Variants in PRICKLE1 observed in about 807,000 individuals in gnomAD.
PRICKLE1 encodes prickle planar cell polarity protein 1, also known as prickle-like protein 1.
Under a neutral mutation model 70.2 loss-of-function variants are expected in PRICKLE1, and 14 were observed. The observed-to-expected ratio is 0.20, with a 90% CI of 0.13 to 0.31. The LOEUF (loss-of-function observed/expected upper bound fraction) is 0.31, where lower values mean the gene tolerates loss of function less well. PRICKLE1 is among the 10% of genes least tolerant of loss of function. PRICKLE1 has a pLI of 1.00. For synonymous variants in PRICKLE1, 357 were observed against 379.9 expected (o/e 0.94, Z 0.70); for missense variants, 821 against 1,026.2 (o/e 0.80, Z 2.73).
At chr12:42,588,848 G>C (rs564261134) in intron 1 of PRICKLE1, among the ~76,000 whole-genome samples, 1 of 152,226 alleles carries the variant, frequency 6.6e-6, no homozygotes, top group African/African-American at 2.4e-5. Flanking sequence ...CCTGAGTCCC[G>C]CTCCTAATAA....
chr12:42,554,621 A>C (rs1940383331), intron 1 of PRICKLE1, among the ~76,000 whole-genome samples: 1 of 152,212 alleles, frequency 6.6e-6, no homozygotes, highest in African/African-American at 2.4e-5. Flanking sequence ...GAAAAGCATC[A>C]CAAGAGGTGA....
At position 42,498,442 on chromosome 12, in the gene PRICKLE1, G is replaced by A. The variant is rs145235393; in HGVS notation, c.-48-25878C>T. On this transcript the variant is annotated intron_variant, in intron 1 of 7. Coordinates refer to ENST00000345127, the MANE Select transcript of PRICKLE1 (RefSeq NM_153026.3). Reference sequence around the variant, plus strand: ...TCCCACCTTGGCCTCCCAAAGTGTTGGGATTACAGGTGTGAGCCACTGTGC... The same window carrying A: ...TCCCACCTTGGCCTCCCAAAGTGTTAGGATTACAGGTGTGAGCCACTGTGC... Among the ~76,000 whole-genome samples the A allele has an allele frequency of 1.3e-3, 194 of 152,214 alleles. 1 individual carries two copies. Among genetic ancestry groups the A allele is most frequent in the African/African-American group, 4.4e-3 (181 of 41,534 alleles).
chr12:42,566,892 C>T (rs777240109), intron 1 of PRICKLE1, among the ~76,000 whole-genome samples: 1 of 152,182 alleles, frequency 6.6e-6, no homozygotes, highest in Non-Finnish European at 1.5e-5. Flanking sequence ...CTATCATATG[C>T]TTGGTTCTAA....
At chr12:42,532,361 A>G (rs1275864278) in intron 1 of PRICKLE1, among the ~76,000 whole-genome samples, 1 of 152,208 alleles carries the variant, frequency 6.6e-6, no homozygotes, top group Non-Finnish European at 1.5e-5. Flanking sequence ...CGGTCAAATA[A>G]TTTTACTCAC....
chr12:42,479,262 T>C (rs768522867), intron 1 of PRICKLE1, among the ~76,000 whole-genome samples: 6 of 152,256 alleles, frequency 3.9e-5, no homozygotes, highest in Non-Finnish European at 7.3e-5. Flanking sequence ...CATCTTCTTT[T>C]TGAGCTTGCG....
chr12:42,517,305 C>CTTTT (rs1320622126), intron 1 of PRICKLE1, among the ~76,000 whole-genome samples: 5 of 64,962 alleles, frequency 7.7e-5, no homozygotes, highest in Admixed American at 4.4e-4. Context: ...CTCAGTCTGC[C>CTTTT]ATTTTTTTTT....
At chr12:42,472,199 C>T (rs950301663) in intron 2 of PRICKLE1, among the ~76,000 whole-genome samples, 186 bp downstream of exon 2, 5 of 152,198 alleles carry the variant, frequency 3.3e-5, no homozygotes, top group Admixed American at 1.3e-4. Context: ...AGATTGGAAA[C>T]TTCCATTGAG....
At chr12:42,572,436 TAAA>T (rs1940732730) in intron 1 of PRICKLE1, among the ~76,000 whole-genome samples, 1 of 75,666 alleles carries the variant, frequency 1.3e-5, no homozygotes, top group South Asian at 3.5e-4. Context: ...AACTCTGTCT[TAAA>T]TAAATAAATA....
rs576035588 is a variant in PRICKLE1, at chr12:42,526,755, A to C, written c.-48-54191T>G. 2.8e-4 allele frequency among the ~76,000 whole-genome samples: 7 copies of C among 25,050 alleles called. No homozygotes were observed. In the East Asian group the frequency reaches 0.01, roughly 36 times the overall value. 16.4% of individuals were successfully genotyped at this position (25,050 alleles called of 152,430 possible). A position where few individuals can be genotyped will look rare whatever the true frequency, so the allele number is the denominator to read the frequency against. ...CCCTTAAAAACACTCCTCTAAGCCAAAAAAAAAAAAAAAATGCTTAGAGGA... is the reference window on the plus strand; with the variant it reads ...CCCTTAAAAACACTCCTCTAAGCCACAAAAAAAAAAAAAATGCTTAGAGGA... On this transcript the variant is annotated intron_variant, in intron 1 of 7. Coordinates refer to ENST00000345127, the MANE Select transcript of PRICKLE1 (RefSeq NM_153026.3).
intron 5 of PRICKLE1, among the ~76,000 whole-genome samples, chr12:42,468,258 T>C (rs1938178364): frequency 6.6e-6 from 1 of 152,216 alleles, no homozygotes; most frequent in Non-Finnish European, 1.5e-5. Context: ...AACAAATACA[T>C]ATATCATATT....
chr12:42,498,694 G>A (rs1056517359), intron 1 of PRICKLE1, among the ~76,000 whole-genome samples: 9 of 152,150 alleles, frequency 5.9e-5, no homozygotes, highest in African/African-American at 2.2e-4. Flanking sequence ...TCTTTACAAA[G>A]AAGCCCGTCC....
intron 1 of PRICKLE1, among the ~76,000 whole-genome samples, chr12:42,502,270 CAT>C (rs3086539): frequency 0.17 from 25,130 of 147,908 alleles, 2,819 homozygotes; most frequent in African/African-American, 0.31. Flanking sequence ...TATATACCTA[CAT>C]ATATATATAT....
At chr12:42,554,282 T>C (rs1201018492) in intron 1 of PRICKLE1, among the ~76,000 whole-genome samples, 1 of 152,248 alleles carries the variant, frequency 6.6e-6, no homozygotes, top group East Asian at 1.9e-4. Context: ...TGATATGTTA[T>C]GTGCTCATTA....
At chr12:42,541,858 T>G (rs1181025913) in intron 1 of PRICKLE1, among the ~76,000 whole-genome samples, 1 of 152,152 alleles carries the variant, frequency 6.6e-6, no homozygotes, top group East Asian at 1.9e-4. Flanking sequence ...TTTAAGATCA[T>G]GTTTATGACA....
chr12:42,509,437 T>C (rs1593145889), intron 1 of PRICKLE1, among the ~76,000 whole-genome samples: 1 of 152,310 alleles, frequency 6.6e-6, no homozygotes, highest in East Asian at 1.9e-4. Flanking sequence ...GGTCTTTCCA[T>C]ATCAAAAAGG....
rs376123082 is a variant in PRICKLE1, at chr12:42,464,591, G to A, written c.1443C>T (p.Gly481=). Residue 481 remains glycine (G), a synonymous_variant, in exon 7 of 8, where the codon GGC becomes GGT. Transcript: ENST00000345127. This position sits in a 1 kb window ranked among gnomAD's most constrained non-coding sequence, Gnocchi z 4.2. ...CTGGGTGGCTGCCATAAGCAGAATC[G>A]CCCAGTCCATCTTGTGACTGTGCCC... The part of the protein sequence containing the change: ...MYWAQSQDGL[G]DSAYGSHPGP... 1.9e-5 allele frequency: 31 copies of A among 1,613,822 alleles called. No individual in the cohort carries two copies. Among genetic ancestry groups the A allele is most frequent in the African/African-American group, 1.7e-4 (13 of 74,934 alleles).
chr12:42,566,617 G>A (rs1294587575), intron 1 of PRICKLE1, among the ~76,000 whole-genome samples: 1 of 152,154 alleles, frequency 6.6e-6, no homozygotes, highest in Non-Finnish European at 1.5e-5. Context: ...TGACCTACAG[G>A]TTTGTTATTA....
intron 5 of PRICKLE1, among the ~76,000 whole-genome samples, chr12:42,466,821 G>A (rs1938112597): frequency 6.6e-6 from 1 of 151,850 alleles, no homozygotes; most frequent in African/African-American, 2.4e-5. Flanking sequence ...CTGGAATTGA[G>A]TGAACAGCAT....
chr12:42,468,739 A>C lies in PRICKLE1; in HGVS notation c.475T>G (p.Phe159Val), dbSNP rs1191001127. 2 of 1,614,178 alleles carry C rather than the reference A, an allele frequency of 1.2e-6. No individual in the cohort carries two copies. The highest frequency in any genetic ancestry group is 2.2e-5 in the East Asian group (1 of 44,882). Residue 159 changes from phenylalanine to valine, a missense_variant, in exon 5 of 8, where the codon TTC becomes GTC. By Grantham distance (50) the Phe-to-Val change is conservative (BLOSUM62 -1). Transcript: ENST00000345127. ...VCWHPSCFVC[F>V]TCNELLVDLI... ...TCGACCAGCAGCTCATTACACGTGA[A>C]ACAGACAAAACAGGATGGGTGCCAG...
Sources: allele counts gnomAD v4.1 joint callset (sites outside exome capture counted in the v4.1 genomes callset), GRCh38; gene constraint gnomAD v4.1.1; non-coding constraint Gnocchi (gnomAD v3.1); transcripts MANE v1.5; gene names NCBI Gene and HGNC (gene_info 2026-07-23, HGNC 2026-07-21).